Variants in PSD3 observed in about 807,000 individuals in gnomAD.
PSD3 encodes pleckstrin and Sec7 domain containing 3, also known as PH and SEC7 domain-containing protein 3.
Under a neutral mutation model 105.5 loss-of-function variants are expected in PSD3, and 49 were observed. That is an observed-to-expected ratio of 0.46 (90% confidence interval 0.37 to 0.59). The LOEUF (loss-of-function observed/expected upper bound fraction) is 0.59. Ranked by LOEUF, PSD3 falls within the 20% of genes least tolerant of loss-of-function variation. PSD3 has a pLI of 0.00. For synonymous variants in PSD3, 557 were observed against 457.8 expected, an observed-to-expected ratio of 1.22 and a Z score of -2.77; for missense variants, 1,561 against 1,263.8, an observed-to-expected ratio of 1.24 and a Z score of -3.57.
chr8:18,869,232 T>C (rs1413617525), intron 3 of PSD3, among the ~76,000 whole-genome samples: 4 of 134,460 alleles, frequency 3.0e-5, no homozygotes, highest in African/African-American at 1.1e-4. Flanking sequence ...CTCTATCACC[T>C]AGGCTGGGGT....
chr8:18,808,936 A>G (rs1811440768), intron 4 of PSD3: 2 of 1,464,646 alleles, frequency 1.4e-6, no homozygotes, highest in Non-Finnish European at 1.8e-6. Context: ...TCACATTCTC[A>G]GCCGAGTGTT....
chr8:18,771,059 C>G (rs1024809606), intron 8 of PSD3, among the ~76,000 whole-genome samples: 5 of 152,348 alleles, frequency 3.3e-5, no homozygotes, highest in Admixed American at 2.6e-4. Flanking sequence ...GACTGTCCCT[C>G]TGAAGTCAAG....
At position 18,676,943 on chromosome 8, in the gene PSD3, C is replaced by T. The variant is rs116027578; in HGVS notation, c.2173-21258G>A. The stretch of plus-strand genomic sequence containing the variant: ...ATTACATGGGAAGCCAAAGAGCCTG[C>T]GGTCTGTAACAGAGACATCCAAACC... On this transcript the variant is annotated intron_variant, in intron 9 of 15. Transcript: ENST00000327040. Among the ~76,000 whole-genome samples the T allele has an allele frequency of 5.0e-3, 755 of 152,254 alleles. 4 individuals carry two copies. Among genetic ancestry groups the T allele is most frequent in the African/African-American group, 0.016 (685 of 41,532 alleles).
chr8:18,710,711 T>C (rs1384841338), intron 9 of PSD3, among the ~76,000 whole-genome samples: 2 of 152,100 alleles, frequency 1.3e-5, no homozygotes, highest in East Asian at 1.9e-4. Flanking sequence ...AGATGGAGTC[T>C]CTCTCTGTCG....
At chr8:18,783,735 T>C (rs932477173) in intron 8 of PSD3, among the ~76,000 whole-genome samples, 1 of 152,152 alleles carries the variant, frequency 6.6e-6, no homozygotes, top group Non-Finnish European at 1.5e-5. Flanking sequence ...CTGGGTCAAG[T>C]GATTCTCTCA....
chr8:18,672,749 C>T (rs747014018), intron 9 of PSD3, among the ~76,000 whole-genome samples: 1 of 152,212 alleles, frequency 6.6e-6, no homozygotes, highest in African/African-American at 2.4e-5. Context: ...TAGACTAAAA[C>T]TGTGACAGCA....
intron 11 of PSD3, among the ~76,000 whole-genome samples, chr8:18,616,782 C>G (rs1464387189): frequency 6.6e-6 from 1 of 151,310 alleles, no homozygotes; most frequent in African/African-American, 2.4e-5. Flanking sequence ...CGCCACCACG[C>G]CCGGCTCATT....
At chr8:18,649,158 G>A (rs2130827633) in intron 10 of PSD3, among the ~76,000 whole-genome samples, 1 of 152,284 alleles carries the variant, frequency 6.6e-6, no homozygotes, top group South Asian at 2.1e-4. Context: ...CCCCAGAATG[G>A]TAGAGCCCCC....
chr8:18,947,695 T>C (rs2129469828), intron 1 of PSD3, among the ~76,000 whole-genome samples: 1 of 152,350 alleles, frequency 6.6e-6, no homozygotes, highest in Non-Finnish European at 1.5e-5. Flanking sequence ...ACCTTCATGT[T>C]GGACCCATTT....
intron 11 of PSD3, among the ~76,000 whole-genome samples, chr8:18,609,180 T>C (rs1381430290): frequency 6.6e-6 from 1 of 152,174 alleles, no homozygotes; most frequent in East Asian, 1.9e-4. Flanking sequence ...ACCATTTTAT[T>C]CCCCTCAGAG....
chr8:19,050,397 T>C (rs1368198380), intron 1 of PSD3, among the ~76,000 whole-genome samples: 2 of 152,300 alleles, frequency 1.3e-5, no homozygotes, highest in East Asian at 3.9e-4. Flanking sequence ...GTATGTTTAT[T>C]GCAGCACTAT....
chr8:18,965,458 C>T lies in PSD3; in HGVS notation c.22-29316G>A, dbSNP rs28687825. Among the ~76,000 whole-genome samples, 1,300 of 152,282 alleles carry T rather than the reference C, an allele frequency of 8.5e-3. 15 individuals carry two copies. Among genetic ancestry groups the T allele is most frequent in the African/African-American group, 0.03 (1,239 of 41,560 alleles). Reference sequence around the variant, plus strand: ...TGTTCTCTCATCCCATTACCCCGTTCGGCGGGGGTGACAGTGACAGCAAGC... The same window carrying T: ...TGTTCTCTCATCCCATTACCCCGTTTGGCGGGGGTGACAGTGACAGCAAGC... On this transcript the variant is annotated intron_variant, in intron 1 of 15. Transcript: ENST00000327040.
At chr8:18,672,228 C>G (rs1799824907) in intron 9 of PSD3, among the ~76,000 whole-genome samples, 1 of 151,128 alleles carries the variant, frequency 6.6e-6, no homozygotes, top group South Asian at 2.1e-4. Flanking sequence ...TTTAAGTACC[C>G]AAGAAAAACG....
At chr8:19,061,186 C>A (rs1416013526) in intron 1 of PSD3, among the ~76,000 whole-genome samples, 4 of 152,230 alleles carry the variant, frequency 2.6e-5, no homozygotes, top group East Asian at 3.9e-4. Flanking sequence ...TAGTTGACTC[C>A]TTGAAAATAA....
At chr8:19,033,922 T>A (rs529299682) in intron 1 of PSD3, among the ~76,000 whole-genome samples, 1 of 152,134 alleles carries the variant, frequency 6.6e-6, no homozygotes. Context: ...TCTAGATTGG[T>A]TCATTGCCCT....
At chr8:18,677,927 G>T (rs1800155936) in intron 9 of PSD3, among the ~76,000 whole-genome samples, 1 of 151,214 alleles carries the variant, frequency 6.6e-6, no homozygotes, top group Non-Finnish European at 1.5e-5. Flanking sequence ...GGAGAGTGGT[G>T]TGAACCTGGG....
At chr8:19,074,697 C>T (rs1218768072) in intron 1 of PSD3, among the ~76,000 whole-genome samples, 1 of 142,478 alleles carries the variant, frequency 7.0e-6, no homozygotes, top group African/African-American at 2.6e-5. Context: ...CGCAGCTCAC[C>T]GCAAGCTCCG....
At chr8:18,775,615 G>T (rs890739664) in intron 8 of PSD3, among the ~76,000 whole-genome samples, 2 of 152,056 alleles carry the variant, frequency 1.3e-5, no homozygotes, top group Non-Finnish European at 2.9e-5. Context: ...GTATCTGTTG[G>T]CCATTTCTAT....
At chr8:18,815,940 T>C (rs1399065974) in intron 4 of PSD3, among the ~76,000 whole-genome samples, 1 of 152,082 alleles carries the variant, frequency 6.6e-6, no homozygotes, top group East Asian at 1.9e-4. Context: ...TTGTGTGCAA[T>C]GTTAAAAAAG....
Sources: allele counts gnomAD v4.1 joint callset (sites outside exome capture counted in the v4.1 genomes callset), GRCh38; gene constraint gnomAD v4.1.1; transcripts MANE v1.5; gene names NCBI Gene and HGNC (gene_info 2026-07-23, HGNC 2026-07-21).